ABLIM2: variants seen among roughly 807,000 people sequenced by gnomAD.
ABLIM2 encodes the protein actin binding LIM protein family member 2.
ABLIM2 carries 53 observed loss-of-function variants against 97.7 expected under a neutral mutation model. The observed-to-expected ratio is 0.54, with a 90% CI of 0.44 to 0.68. The LOEUF (loss-of-function observed/expected upper bound fraction) is 0.68. Among genes scored for constraint, ABLIM2 ranks in the 30% least tolerant of loss-of-function variants. The probability of loss-of-function intolerance (pLI) is 0.00; values close to 1 mark genes in which losing one functional copy is unlikely to be tolerated. For synonymous variants in ABLIM2, 361 were observed against 345.8 expected (o/e 1.04, Z -0.49); for missense variants, 835 against 867.2 (o/e 0.96, Z 0.47).
Position 8,122,324 on chromosome 4 carries a change from G to C in ABLIM2, c.11-15687C>G, listed in dbSNP as rs576547696. ...CTCGGCTCCCATCCTCCATTTCCCA[G>C]GGGACACCCTCTGTCCTGGTCCATG... On this transcript the variant is annotated intron_variant, in intron 1 of 20. Transcript: ENST00000447017. The surrounding 1 kb of genome is among the most constrained non-coding windows in gnomAD (Gnocchi z 4.1). Among the ~76,000 whole-genome samples the C allele has an allele frequency of 2.0e-4, 30 of 152,294 alleles. No homozygotes were observed. Among genetic ancestry groups the C allele is most frequent in the African/African-American group, 7.0e-4 (29 of 41,560 alleles).
Position 7,967,602 on chromosome 4 carries a change from G to A in ABLIM2, c.1825-499C>T, listed in dbSNP as rs527356184. ...TGCCAGGCACGGCCCAGGCCCAGGC[G>A]CAAATCCTCCCTCCACCGGAAGCCC... is the stretch of plus-strand genomic sequence containing the variant. On this transcript the variant is annotated intron_variant, in intron 20 of 20. Transcript: ENST00000447017. Among the ~76,000 whole-genome samples, 9 of 152,316 alleles carry A rather than the reference G, an allele frequency of 5.9e-5. No individual in the cohort carries two copies. In the South Asian group the frequency reaches 6.2e-4, roughly 11 times the overall value.
chr4:8,085,318 G>A lies in ABLIM2; in HGVS notation c.454+2851C>T, dbSNP rs1019220726. On this transcript the variant is annotated intron_variant, in intron 4 of 20. Transcript: ENST00000447017. This position sits in a 1 kb window ranked among gnomAD's most constrained non-coding sequence, Gnocchi z 6.1. ...TGCTTCCTACATTCTGGACTGACTT[G>A]ACTCTACCCCACTCCACAACCATCT... Among the ~76,000 whole-genome samples the A allele has an allele frequency of 3.9e-5, 6 of 152,142 alleles. No homozygotes were observed. The highest frequency in any genetic ancestry group is 8.8e-5 in the Non-Finnish European group (6 of 68,022).
chr4:7,972,622 G>C (rs1016564996), intron 20 of ABLIM2, among the ~76,000 whole-genome samples: 2 of 152,188 alleles, frequency 1.3e-5, no homozygotes, highest in East Asian at 1.9e-4. Flanking sequence ...AACACCTCCA[G>C]CTTCCACTGC....
chr4:8,054,478 C>G lies in ABLIM2; in HGVS notation c.764-232G>C, dbSNP rs1320059. Among the ~76,000 whole-genome samples, 112,370 of 152,218 alleles carry G rather than the reference C, an allele frequency of 0.74. 42,072 individuals are homozygous for G. The highest frequency in any genetic ancestry group is 0.99 in the East Asian group (5,153 of 5,180). ...CAGCCCAGTTGTGGGACGGAGGCAGCAAACAAACAGGGAAATGGCTGCTGT... is the reference window on the plus strand; with the variant it reads ...CAGCCCAGTTGTGGGACGGAGGCAGGAAACAAACAGGGAAATGGCTGCTGT... On this transcript the variant is annotated intron_variant, in intron 7 of 20. Coordinates refer to ENST00000447017, the MANE Select transcript of ABLIM2 (RefSeq NM_001130083.2). The surrounding 1 kb of genome is among the most constrained non-coding windows in gnomAD (Gnocchi z 4.9).
At position 7,992,979 on chromosome 4, in the gene ABLIM2, T is replaced by C. The variant is rs1233560695; in HGVS notation, c.1619-52A>G. ...CACGCGCGCAGACTCGGTGCAGCAA[T>C]GGGGGTGCAGCCCTGGGGGGGCTTC... On this transcript the variant is annotated intron_variant, in intron 16 of 20. Coordinates refer to ENST00000447017, the MANE Select transcript of ABLIM2 (RefSeq NM_001130083.2). The surrounding 1 kb of genome is among the most constrained non-coding windows in gnomAD (Gnocchi z 5.7). The C allele has an allele frequency of 3.2e-6, 5 of 1,584,274 alleles. No individual in the cohort carries two copies. Among genetic ancestry groups the C allele is most frequent in the Non-Finnish European group, 4.3e-6 (5 of 1,158,746 alleles).
In ABLIM2 at chr4:8,132,934, G is replaced by A. The variant is rs911817594; in HGVS notation, c.10+25746C>T. Among the ~76,000 whole-genome samples the A allele has an allele frequency of 2.0e-5, 3 of 152,156 alleles. No homozygotes were observed. Among genetic ancestry groups the A allele is most frequent in the African/African-American group, 7.2e-5 (3 of 41,440 alleles). ...TCGATGGGTGTCCCGTGGCTGCTGT[G>A]ACACAGTGCCACAGACGGCAGCTTA... On this transcript the variant is annotated intron_variant, in intron 1 of 20. Coordinates refer to ENST00000447017, the MANE Select transcript of ABLIM2 (RefSeq NM_001130083.2). This position sits in a 1 kb window ranked among gnomAD's most constrained non-coding sequence, Gnocchi z 8.0.
chr4:8,091,813 TATATA>T (rs3029010), intron 3 of ABLIM2, among the ~76,000 whole-genome samples: 15,357 of 68,838 alleles, frequency 0.22, 2,219 homozygotes, highest in African/African-American at 0.47. Context: ...TATTATATAT[TATATA>T]ATATATTATA....
chr4:8,093,561 C>A lies in ABLIM2; in HGVS notation c.338+3538G>T, dbSNP rs189299839. On this transcript the variant is annotated intron_variant, in intron 3 of 20. Transcript: ENST00000447017. ...TCACCATAATCAATTTTAGAACAAT[C>A]TTATCACCCACAAAAGAAATCCCAT... Among the ~76,000 whole-genome samples, 3 of 152,348 alleles carry A rather than the reference C, an allele frequency of 2.0e-5. No individual in the cohort carries two copies. In the East Asian group the frequency reaches 5.8e-4, roughly 29 times the overall value.
chr4:8,005,869 G>A lies in ABLIM2; in HGVS notation c.1618+2190C>T, dbSNP rs951517386. ...GCATGGCCAGGGGAAGGACACATAT[G>A]TCTGTGCTGGAGCAGAATCTCCCCG... On this transcript the variant is annotated intron_variant, in intron 16 of 20. Transcript: ENST00000447017. This position sits in a 1 kb window ranked among gnomAD's most constrained non-coding sequence, Gnocchi z 4.9. Among the ~76,000 whole-genome samples the A allele has an allele frequency of 2.0e-5, 3 of 152,242 alleles. No individual in the cohort carries two copies. Among genetic ancestry groups the A allele is most frequent in the Non-Finnish European group, 2.9e-5 (2 of 68,044 alleles).
At chr4:7,971,096 A>AGGTGAGAGGGGCT (rs1461017083) in intron 20 of ABLIM2, among the ~76,000 whole-genome samples, 1 of 152,070 alleles carries the variant, frequency 6.6e-6, no homozygotes, top group Admixed American at 6.5e-5. Context: ...GTCACACCTC[A>AGGTGAGAGGGGCT]CCTGGCTGAG....
intron 14 of ABLIM2, among the ~76,000 whole-genome samples, chr4:8,011,036 C>A (rs766820633): frequency 6.6e-6 from 1 of 152,214 alleles, no homozygotes; most frequent in South Asian, 2.1e-4. Context: ...AGTGGATCAC[C>A]ACTCTTGGAA....
chr4:8,135,418 G>C lies in ABLIM2; in HGVS notation c.10+23262C>G, dbSNP rs142477990. On this transcript the variant is annotated intron_variant, in intron 1 of 20. Coordinates refer to ENST00000447017, the MANE Select transcript of ABLIM2 (RefSeq NM_001130083.2). ...TCGAAGTCCTTGCCCCCAGTGTGAG[G>C]GTGTTAGGACGTGAGGCCTTCGGAA... Among the ~76,000 whole-genome samples, 675 of 152,312 alleles carry C rather than the reference G, an allele frequency of 4.4e-3. 5 individuals carry two copies. The highest frequency in any genetic ancestry group is 5.0e-3 in the Non-Finnish European group (343 of 68,026).
At chr4:8,138,328 G>T (rs1464399855) in intron 1 of ABLIM2, among the ~76,000 whole-genome samples, 1 of 152,156 alleles carries the variant, frequency 6.6e-6, no homozygotes, top group Non-Finnish European at 1.5e-5. Flanking sequence ...AAATTTTAGG[G>T]TGAGTGTATT....
chr4:8,141,823 G>C (rs559945840), intron 1 of ABLIM2, among the ~76,000 whole-genome samples: 1 of 152,226 alleles, frequency 6.6e-6, no homozygotes, highest in Admixed American at 6.5e-5. Flanking sequence ...TGTATCTAGG[G>C]TCCCATCTTA....
At chr4:8,077,770 C>A in intron 5 of ABLIM2, 49 bp from the exon 6 acceptor site, 1 of 1,508,302 alleles carries the variant, frequency 6.6e-7, no homozygotes, top group South Asian at 1.2e-5. Flanking sequence ...CCCGAGGACC[C>A]TTGAGATCTA....
At chr4:8,034,035 C>A (rs941228276) in intron 10 of ABLIM2, among the ~76,000 whole-genome samples, 5 of 152,210 alleles carry the variant, frequency 3.3e-5, no homozygotes, top group African/African-American at 1.2e-4. Context: ...GTCCTCTAGG[C>A]TTGAATCGCA....
chr4:8,138,012 G>A (rs1015621560), intron 1 of ABLIM2, among the ~76,000 whole-genome samples: 2 of 152,238 alleles, frequency 1.3e-5, no homozygotes, highest in African/African-American at 4.8e-5. Flanking sequence ...TCTGACACAG[G>A]CTATGACATG....
intron 1 of ABLIM2, among the ~76,000 whole-genome samples, chr4:8,133,901 G>A (rs938561151): frequency 6.6e-6 from 1 of 152,280 alleles, no homozygotes; most frequent in South Asian, 2.1e-4. Flanking sequence ...CAGTGCATTC[G>A]TCCATGGGGG....
chr4:8,091,559 ATATATTATATAT>A lies in ABLIM2; in HGVS notation c.339-3287_339-3276del. Among the ~76,000 whole-genome samples the A allele has an allele frequency of 1.2e-4, 5 of 41,942 alleles. 2 individuals carry two copies. In the Admixed American group the frequency reaches 2.6e-3, roughly 22 times the overall value. The allele number at this position is 41,942 out of a possible 152,430, so 27.5% of individuals were successfully genotyped here. The stretch of plus-strand genomic sequence containing the variant: ...AATTATATATAATATTTATAATTAT[ATATATTATATAT>A]AATTTTATATAAAATTATATATATA... On this transcript the variant is annotated intron_variant, in intron 3 of 20. Transcript: ENST00000447017.
Sources: gnomAD v4.1 joint callset for allele counts (sites outside exome capture counted in the v4.1 genomes callset) on GRCh38, gnomAD v4.1.1 for gene constraint, Gnocchi (gnomAD v3.1) non-coding constraint, MANE v1.5 for transcripts, NCBI Gene and HGNC (gene_info 2026-07-23, HGNC 2026-07-21) for gene names.